Variants in PTPRD observed in about 807,000 individuals in gnomAD.
PTPRD encodes the protein protein tyrosine phosphatase receptor type D, also known as receptor-type tyrosine-protein phosphatase delta.
In PTPRD, 34 loss-of-function variants were observed where a neutral mutation model predicts 214.5. That is an observed-to-expected ratio of 0.16 (90% CI 0.12 to 0.21). The LOEUF (loss-of-function observed/expected upper bound fraction) is 0.21. PTPRD is among the 10% of genes least tolerant of loss of function. The pLI, the probability that PTPRD is intolerant of heterozygous loss-of-function variation, is 1.00. For missense variants in PTPRD, 2,545 were observed against 2,398.7 expected, an observed-to-expected ratio of 1.06 and a Z score of -1.27; for synonymous variants, 1,128 against 845.7, an observed-to-expected ratio of 1.33 and a Z score of -5.79.
chr9:9,512,826 T>A lies in PTPRD; in HGVS notation c.-237+61906A>T, dbSNP rs546623036. ...TTGGGTTTCTGGGCTGCTATGCTGT[T>A]CTCTTTAGAGTGCAAGACCAGATCT... On this transcript the variant is annotated intron_variant, in intron 8 of 45. Coordinates refer to ENST00000381196, the MANE Select transcript of PTPRD (RefSeq NM_002839.4). Among the ~76,000 whole-genome samples the A allele has an allele frequency of 2.6e-5, 4 of 151,282 alleles. No homozygotes were observed. In the South Asian group the frequency reaches 8.4e-4, roughly 32 times the overall value.
At chr9:9,520,020 C>T (rs527492225) in intron 8 of PTPRD, among the ~76,000 whole-genome samples, 12 of 151,978 alleles carry the variant, frequency 7.9e-5, no homozygotes, top group African/African-American at 2.2e-4. Context: ...TGTAGACTTT[C>T]TTTAGAATAA....
chr9:9,667,774 T>C (rs1025462139), intron 7 of PTPRD, among the ~76,000 whole-genome samples: 4 of 152,144 alleles, frequency 2.6e-5, no homozygotes, highest in Non-Finnish European at 4.4e-5. Flanking sequence ...GGTTTTCAGA[T>C]TGATGTCCAG....
At chr9:8,848,380 G>T in intron 11 of PTPRD, among the ~76,000 whole-genome samples, 1 of 141,520 alleles carries the variant, frequency 7.1e-6, no homozygotes. Context: ...CTGTTATACA[G>T]ACTAGAATGC....
At chr9:8,885,283 T>C (rs1213340220) in intron 11 of PTPRD, among the ~76,000 whole-genome samples, 1 of 152,044 alleles carries the variant, frequency 6.6e-6, no homozygotes, top group Non-Finnish European at 1.5e-5. Flanking sequence ...GGGTGACCAA[T>C]CATCCATTTT....
chr9:8,579,795 C>T (rs1039064570), intron 14 of PTPRD, among the ~76,000 whole-genome samples: 3 of 152,096 alleles, frequency 2.0e-5, no homozygotes, highest in African/African-American at 4.8e-5. Flanking sequence ...ATCATGCAGA[C>T]GTACCTTGGA....
chr9:9,142,348 C>T (rs1344221944), intron 10 of PTPRD, among the ~76,000 whole-genome samples: 1 of 152,200 alleles, frequency 6.6e-6, no homozygotes, highest in African/African-American at 2.4e-5. Context: ...GAGTTATAGT[C>T]TCCCTAGCTG....
chr9:9,319,706 A>G (rs939527437), intron 9 of PTPRD, among the ~76,000 whole-genome samples: 3 of 152,170 alleles, frequency 2.0e-5, no homozygotes, highest in African/African-American at 7.2e-5. Flanking sequence ...AAAAATTCCA[A>G]AAAGAAGGCA....
At chr9:9,706,762 T>C (rs991005730) in intron 7 of PTPRD, among the ~76,000 whole-genome samples, 3 of 152,060 alleles carry the variant, frequency 2.0e-5, no homozygotes, top group Non-Finnish European at 2.9e-5. Context: ...AAAAACTCCA[T>C]TGAGTATCCA....
intron 5 of PTPRD, among the ~76,000 whole-genome samples, chr9:9,844,983 A>T (rs2153648277): frequency 6.7e-6 from 1 of 149,750 alleles, no homozygotes; most frequent in Admixed American, 6.7e-5. Context: ...ACCAACTTTA[A>T]ATATGTTTTT....
At chr9:8,445,517 A>T (rs2095689714) in intron 34 of PTPRD, among the ~76,000 whole-genome samples, 1 of 152,206 alleles carries the variant, frequency 6.6e-6, no homozygotes, top group Admixed American at 6.5e-5. Context: ...TTTAATAATG[A>T]AAGTGTACAA....
chr9:8,930,993 T>C (rs953419412), intron 11 of PTPRD, among the ~76,000 whole-genome samples: 3 of 152,228 alleles, frequency 2.0e-5, no homozygotes, highest in African/African-American at 7.2e-5. Flanking sequence ...ATTTTGGCTT[T>C]TGTTGCCATT....
At chr9:9,938,952 A>C (rs951119847) in intron 4 of PTPRD, among the ~76,000 whole-genome samples, 10 of 152,168 alleles carry the variant, frequency 6.6e-5, no homozygotes, top group African/African-American at 2.4e-4. Context: ...ACAGTAAATC[A>C]AAATACATTT....
chr9:10,340,248 T>C (rs2096913942), intron 3 of PTPRD, among the ~76,000 whole-genome samples: 1 of 151,910 alleles, frequency 6.6e-6, no homozygotes, highest in Non-Finnish European at 1.5e-5. Context: ...ACAAATATCA[T>C]TATATGTAAT....
chr9:8,712,008 G>T (rs1247109048), intron 12 of PTPRD, among the ~76,000 whole-genome samples: 4 of 152,206 alleles, frequency 2.6e-5, no homozygotes, highest in African/African-American at 9.6e-5. Flanking sequence ...ACTGCTACAT[G>T]TAATTGTAGT....
At chr9:9,038,361 T>C (rs2099628510) in intron 10 of PTPRD, among the ~76,000 whole-genome samples, 1 of 152,046 alleles carries the variant, frequency 6.6e-6, no homozygotes, top group East Asian at 1.9e-4. Flanking sequence ...TCATTTTACT[T>C]TCTTCAGCAA....
chr9:9,074,549 A>G (rs900490947), intron 10 of PTPRD, among the ~76,000 whole-genome samples: 1 of 152,112 alleles, frequency 6.6e-6, no homozygotes, highest in Non-Finnish European at 1.5e-5. Context: ...AGTGAAATAT[A>G]GACCAAGACT....
chr9:10,428,925 G>T (rs1014830357), intron 2 of PTPRD, among the ~76,000 whole-genome samples: 1 of 151,960 alleles, frequency 6.6e-6, no homozygotes, highest in African/African-American at 2.4e-5. Context: ...AAATTCCTAA[G>T]TCACGAAAGT....
At position 10,482,093 on chromosome 9, in the gene PTPRD, C is replaced by T. The variant is rs184416987; in HGVS notation, c.-600+130305G>A. Among the ~76,000 whole-genome samples, 118 of 152,208 alleles carry T rather than the reference C, an allele frequency of 7.8e-4. No individual in the cohort carries two copies. The East Asian group carries it at 8.5e-3, about 11-fold the overall frequency. On this transcript the variant is annotated intron_variant, in intron 2 of 45. Transcript: ENST00000381196. ...TAAGATAAAAAAAACAAATGTTGGC[C>T]GGGCGCGGTGGCTCACGCCTGTAAT... is the stretch of plus-strand genomic sequence containing the variant.
At chr9:9,600,581 G>C (rs923414580) in intron 7 of PTPRD, among the ~76,000 whole-genome samples, 2 of 152,064 alleles carry the variant, frequency 1.3e-5, no homozygotes, top group South Asian at 4.1e-4. Context: ...CATAGTTTGG[G>C]TATCTGTCTG....
Sources: allele counts gnomAD v4.1 joint callset (sites outside exome capture counted in the v4.1 genomes callset), GRCh38; gene constraint gnomAD v4.1.1; transcripts MANE v1.5; gene names NCBI Gene and HGNC (gene_info 2026-07-23, HGNC 2026-07-21).